The following ANKS1B variants were observed in gnomAD, a reference collection of about 807,000 sequenced individuals.
ANKS1B encodes the protein ankyrin repeat and sterile alpha motif domain containing 1B.
A neutral mutation model predicts 148.3 loss-of-function variants in ANKS1B; 36 were observed. That is an observed-to-expected ratio of 0.24 (90% CI 0.19 to 0.32). The LOEUF (loss-of-function observed/expected upper bound fraction) is 0.32. Among genes scored for constraint, ANKS1B ranks in the 10% least tolerant of loss-of-function variants. The probability of loss-of-function intolerance (pLI) is 1.00; values close to 1 mark genes in which losing one functional copy is unlikely to be tolerated. For synonymous variants in ANKS1B, 542 were observed against 560.8 expected (o/e 0.97, Z 0.47); for missense variants, 1,157 against 1,542.6 (o/e 0.75, Z 4.19).
intron 8 of ANKS1B, among the ~76,000 whole-genome samples, chr12:99,661,953 G>A (rs1311975115): frequency 6.6e-6 from 1 of 152,040 alleles, no homozygotes; most frequent in Non-Finnish European, 1.5e-5. Context: ...TGGAGCATTT[G>A]TCCTGGGCCA....
At chr12:98,868,188 T>C (rs1011455772) in intron 17 of ANKS1B, among the ~76,000 whole-genome samples, 2 of 151,994 alleles carry the variant, frequency 1.3e-5, no homozygotes, top group Non-Finnish European at 2.9e-5. Context: ...TAGACTCAAA[T>C]AGATAAAAAC....
intron 14 of ANKS1B, among the ~76,000 whole-genome samples, chr12:99,239,259 C>T (rs1484976026): frequency 1.3e-5 from 2 of 152,068 alleles, no homozygotes; most frequent in Non-Finnish European, 2.9e-5. Context: ...GCACAAGAAC[C>T]TCATGATGCA....
intron 17 of ANKS1B, among the ~76,000 whole-genome samples, chr12:99,043,257 T>C (rs996568190): frequency 1.3e-5 from 2 of 152,214 alleles, no homozygotes; most frequent in Non-Finnish European, 2.9e-5. Flanking sequence ...TTCAAATTAA[T>C]CTAATTTGTG....
chr12:98,988,200 C>A (rs919043191), intron 17 of ANKS1B, among the ~76,000 whole-genome samples: 2 of 152,128 alleles, frequency 1.3e-5, no homozygotes, highest in Non-Finnish European at 2.9e-5. Flanking sequence ...ATCTCTTAAA[C>A]TTATTCCTCC....
intron 14 of ANKS1B, among the ~76,000 whole-genome samples, chr12:99,175,368 G>A (rs1483376335): frequency 2.6e-5 from 4 of 152,204 alleles, no homozygotes; most frequent in African/African-American, 9.6e-5. Context: ...GACATCTTGG[G>A]AAAGAGACCC....
At chr12:98,988,947 G>C (rs1469423691) in intron 17 of ANKS1B, among the ~76,000 whole-genome samples, 1 of 151,954 alleles carries the variant, frequency 6.6e-6, no homozygotes, top group Non-Finnish European at 1.5e-5. Flanking sequence ...TTAAATTGGG[G>C]CTTTGCTGTG....
chr12:99,075,151 A>G (rs1475663923), intron 16 of ANKS1B, among the ~76,000 whole-genome samples: 1 of 152,218 alleles, frequency 6.6e-6, no homozygotes, highest in African/African-American at 2.4e-5. Context: ...TATTCCTAGG[A>G]AGAGAGATAA....
At chr12:99,331,179 TA>T (rs2152275401) in intron 12 of ANKS1B, among the ~76,000 whole-genome samples, 1 of 152,128 alleles carries the variant, frequency 6.6e-6, no homozygotes, top group African/African-American at 2.4e-5. Flanking sequence ...ACTTGTGTTT[TA>T]AGACATAAAA....
chr12:99,829,629 C>T lies in ANKS1B; in HGVS notation c.135-4240G>A, dbSNP rs555367062. Among the ~76,000 whole-genome samples the T allele has an allele frequency of 9.9e-5, 15 of 151,978 alleles. No homozygotes were observed. The East Asian group carries it at 2.1e-3, about 22-fold the overall frequency. The stretch of plus-strand genomic sequence containing the variant: ...TCGCACCACTGCACTCCAGACTGGG[C>T]GAGAGCGAGACTCCGTCTCAAAAAC... On this transcript the variant is annotated intron_variant, in intron 1 of 26. Transcript: ENST00000683438.
intron 1 of ANKS1B, among the ~76,000 whole-genome samples, chr12:99,977,302 C>T (rs1246353590): frequency 2.0e-5 from 3 of 152,124 alleles, no homozygotes; most frequent in Non-Finnish European, 4.4e-5. Context: ...CAATGCCACA[C>T]CTGGCCATTT....
chr12:99,525,326 G>A (rs574408870), intron 9 of ANKS1B, among the ~76,000 whole-genome samples: 37 of 152,252 alleles, frequency 2.4e-4, no homozygotes, highest in African/African-American at 8.2e-4. Flanking sequence ...CAATACCATT[G>A]CAATACAGTT....
At chr12:99,277,262 A>G (rs533800512) in intron 12 of ANKS1B, among the ~76,000 whole-genome samples, 1 of 152,272 alleles carries the variant, frequency 6.6e-6, no homozygotes, top group South Asian at 2.1e-4. Context: ...GACTGTGTTT[A>G]TTTCCCACTG....
chr12:99,602,033 G>C (rs1053891909), intron 9 of ANKS1B, among the ~76,000 whole-genome samples: 1 of 152,012 alleles, frequency 6.6e-6, no homozygotes, highest in African/African-American at 2.4e-5. Flanking sequence ...TTAGGGGAGA[G>C]GGTTTCTAGT....
intron 25 of ANKS1B, among the ~76,000 whole-genome samples, chr12:98,762,511 C>A (rs1325240823): frequency 6.6e-6 from 1 of 152,176 alleles, no homozygotes; most frequent in Non-Finnish European, 1.5e-5. Context: ...CACCTTCATT[C>A]CAGCAATCAC....
At chr12:98,754,718 T>C (rs1040434979) in intron 25 of ANKS1B, among the ~76,000 whole-genome samples, 2 of 152,208 alleles carry the variant, frequency 1.3e-5, no homozygotes, top group African/African-American at 4.8e-5. Context: ...AAGACCTTCA[T>C]TTGAGCAAGT....
intron 1 of ANKS1B, among the ~76,000 whole-genome samples, chr12:99,877,769 A>C (rs2092212306): frequency 6.6e-6 from 1 of 152,196 alleles, no homozygotes; most frequent in Non-Finnish European, 1.5e-5. Context: ...TTAGCCAAAT[A>C]GGGAACCTGA....
intron 8 of ANKS1B, among the ~76,000 whole-genome samples, chr12:99,669,016 G>A (rs996306796): frequency 1.3e-5 from 2 of 151,772 alleles, no homozygotes; most frequent in South Asian, 2.1e-4. Context: ...CTCTATTCAT[G>A]TCACCTCTTC....
chr12:99,399,491 C>G (rs1297066858), intron 12 of ANKS1B, 140 bp downstream of exon 12: 3 of 818,136 alleles, frequency 3.7e-6, no homozygotes, highest in Non-Finnish European at 5.6e-6. Flanking sequence ...TGACAAGAAT[C>G]TTAAAGCCCT....
chr12:99,974,427 T>C (rs2095600642), intron 1 of ANKS1B, among the ~76,000 whole-genome samples: 1 of 152,216 alleles, frequency 6.6e-6, no homozygotes, highest in Admixed American at 6.5e-5. Flanking sequence ...AGGCAAATAA[T>C]ATATGTTTAT....
Sources: gnomAD v4.1 joint callset for allele counts (sites outside exome capture counted in the v4.1 genomes callset) on GRCh38, gnomAD v4.1.1 for gene constraint, MANE v1.5 for transcripts, NCBI Gene and HGNC (gene_info 2026-07-23, HGNC 2026-07-21) for gene names.